ACER3: variants seen among roughly 807,000 people sequenced by gnomAD.
The protein encoded by ACER3 is alkCDase 3.
A neutral mutation model predicts 48.9 loss-of-function variants in ACER3; 16 were observed. The ratio of observed to expected loss-of-function variants is 0.33; its 90% CI spans 0.22 to 0.50. ACER3 has a LOEUF of 0.50. Ranked by LOEUF, ACER3 falls within the 20% of genes least tolerant of loss-of-function variation. The probability of loss-of-function intolerance (pLI) is 0.98; values close to 1 mark genes in which losing one functional copy is unlikely to be tolerated. For missense variants in ACER3, 227 were observed against 326.0 expected (o/e 0.70, Z 2.34); for synonymous variants, 109 against 107.8 (o/e 1.01, Z -0.07).
rs1194743723 is a variant in ACER3, at chr11:76,952,137, TATAC to T, written c.215-6840_215-6837del. Among the ~76,000 whole-genome samples, 654 of 74,412 alleles carry T rather than the reference TATAC, an allele frequency of 8.8e-3. 5 individuals carry two copies. Among genetic ancestry groups the T allele is most frequent in the African/African-American group, 0.018 (595 of 33,330 alleles). The allele number at this position is 74,412 out of a possible 152,430, so 48.8% of individuals were successfully genotyped here. ...GTTCAGAAAAAATATTATATATATA[TATAC>T]ACACACACACACACACACACACACA... On this transcript the variant is annotated intron_variant, in intron 2 of 10. Transcript: ENST00000532485.
rs149589077 is a variant in ACER3 at position 77,025,392 on chromosome 11, TTATATA to T, written c.*5079_*5084del. The T allele has an allele frequency of 7.4e-6, 1 of 135,850 alleles. No homozygotes were observed. The highest frequency in any genetic ancestry group is 2.0e-4 in the East Asian group (1 of 4,976). 8.4% of individuals were successfully genotyped at this position (135,850 alleles called of 1,614,324 possible). ...TGGTTATTTTATTTTATTTTATTCT[TTATATA>T]TATATATATATATTTATTTATTTTT... is the stretch of plus-strand genomic sequence containing the variant. On this transcript the variant is annotated 3_prime_UTR_variant, in exon 11 of 11. Transcript: ENST00000532485.
chr11:76,989,061 G>A (rs1034758814), intron 5 of ACER3, among the ~76,000 whole-genome samples: 36 of 152,012 alleles, frequency 2.4e-4, no homozygotes, highest in Non-Finnish European at 5.1e-4. Context: ...GAGATATGTC[G>A]TTTTGCATTT....
At chr11:77,014,865 A>G in intron 7 of ACER3, 151 bp from the exon 8 acceptor site, 2 of 624,820 alleles carry the variant, frequency 3.2e-6, no homozygotes, top group Non-Finnish European at 5.7e-6. Flanking sequence ...ATGTACAATG[A>G]TCACATCTGT....
chr11:76,883,438 C>CTTTTTT lies in ACER3; in HGVS notation c.103+22374_103+22379dup, dbSNP rs60656670. Among the ~76,000 whole-genome samples the CTTTTTT allele has an allele frequency of 1.2e-3, 122 of 98,964 alleles. 5 individuals are homozygous for CTTTTTT. Among genetic ancestry groups the CTTTTTT allele is most frequent in the Non-Finnish European group, 1.6e-3 (83 of 52,066 alleles). The allele number at this position is 98,964 out of a possible 152,430, so 64.9% of individuals were successfully genotyped here. On this transcript the variant is annotated intron_variant, in intron 1 of 10. Coordinates refer to ENST00000532485, the MANE Select transcript of ACER3 (RefSeq NM_018367.7). ...TTGCTTCTTTTGAATGATTTTCTTG[C>CTTTTTT]TTTTTTTTTTTTTTTTTTTTGAGAC... is the stretch of plus-strand genomic sequence containing the variant.
intron 1 of ACER3, among the ~76,000 whole-genome samples, chr11:76,914,708 A>C (rs1300565667): frequency 1.3e-5 from 2 of 152,236 alleles, no homozygotes; most frequent in Non-Finnish European, 2.9e-5. Context: ...ATATACTCAA[A>C]GGATTATAAA....
chr11:76,907,276 T>G (rs1410465596), intron 1 of ACER3, among the ~76,000 whole-genome samples: 1 of 152,220 alleles, frequency 6.6e-6, no homozygotes, highest in Non-Finnish European at 1.5e-5. Flanking sequence ...GCACCTTTTG[T>G]GTTATCTGGT....
At chr11:76,914,237 A>C (rs190892613) in intron 1 of ACER3, among the ~76,000 whole-genome samples, 1,876 of 152,332 alleles carry the variant, frequency 0.012, 51 homozygotes, top group East Asian at 0.05. Flanking sequence ...ACAGCAAAAG[A>C]AACTATCATC....
chr11:76,942,053 TGA>T (rs1277930947), intron 2 of ACER3, among the ~76,000 whole-genome samples: 1 of 152,132 alleles, frequency 6.6e-6, no homozygotes, highest in Non-Finnish European at 1.5e-5. Flanking sequence ...TGATCAAATC[TGA>T]GAGTTTTTTT....
At chr11:76,905,231 G>A (rs748369883) in intron 1 of ACER3, among the ~76,000 whole-genome samples, 1 of 151,850 alleles carries the variant, frequency 6.6e-6, no homozygotes, top group Non-Finnish European at 1.5e-5. Flanking sequence ...TGATTTAGAA[G>A]ATTTTTTTTA....
rs1949497861 is a variant in ACER3, at chr11:77,023,134, T to C, written c.*2807T>C. The C allele has an allele frequency of 2.5e-6, 1 of 398,626 alleles. No homozygotes were observed. The highest frequency in any genetic ancestry group is 4.4e-6 in the Non-Finnish European group (1 of 226,060). The allele number at this position is 398,626 out of a possible 1,614,324, so 24.7% of individuals were successfully genotyped here. A position where few individuals can be genotyped will look rare whatever the true frequency, so the allele number is the denominator to read the frequency against. On this transcript the variant is annotated 3_prime_UTR_variant, in exon 11 of 11. Transcript: ENST00000532485. Reference sequence around the variant, plus strand: ...CCACCTGAAGTGATCTTTTTAATCCTTGTGATAGTAAATGCATTGATAATT... The same window carrying C: ...CCACCTGAAGTGATCTTTTTAATCCCTGTGATAGTAAATGCATTGATAATT...
chr11:76,910,566 AAATT>A (rs1946353057), intron 1 of ACER3, among the ~76,000 whole-genome samples: 1 of 152,192 alleles, frequency 6.6e-6, no homozygotes, highest in African/African-American at 2.4e-5. Flanking sequence ...ACAGAGGAGA[AAATT>A]AAGGCGCAAG....
chr11:76,911,588 G>C (rs2119457), intron 1 of ACER3, among the ~76,000 whole-genome samples: 106,563 of 151,996 alleles, frequency 0.7, 37,682 homozygotes, highest in Non-Finnish European at 0.74. Flanking sequence ...TATCCAGCCA[G>C]TATTCAAGAT....
rs1949458487 is a variant in ACER3 at position 77,020,691 on chromosome 11, T to A, written c.*364T>A. ...TTTGCCAAGGGTTGCATGTGAATTA[T>A]ACCTTTCTTAATATTTGATTAAATA... On this transcript the variant is annotated 3_prime_UTR_variant, in exon 11 of 11. Transcript: ENST00000532485. 5.2e-6 allele frequency: 1 copy of A among 192,690 alleles called. No homozygotes were observed. Among genetic ancestry groups the A allele is most frequent in the African/African-American group, 2.4e-5 (1 of 42,352 alleles). 11.9% of individuals were successfully genotyped at this position (192,690 alleles called of 1,614,324 possible). A position where few individuals can be genotyped will look rare whatever the true frequency, so the allele number is the denominator to read the frequency against.
intron 3 of ACER3, among the ~76,000 whole-genome samples, chr11:76,967,354 T>C (rs923874627): frequency 6.6e-6 from 1 of 152,136 alleles, no homozygotes; most frequent in Non-Finnish European, 1.5e-5. Context: ...ACCAGACGGA[T>C]TCACAGCCGA....
intron 1 of ACER3, among the ~76,000 whole-genome samples, chr11:76,886,746 T>A (rs750864971): frequency 6.6e-6 from 1 of 152,134 alleles, no homozygotes; most frequent in Non-Finnish European, 1.5e-5. Context: ...AGTGGTGCCA[T>A]CTTGGCTCAC....
chr11:76,996,711 C>A lies in ACER3; in HGVS notation c.439-2052C>A, dbSNP rs375111589. 3.4e-4 allele frequency among the ~76,000 whole-genome samples: 48 copies of A among 143,136 alleles called. 1 individual carries two copies. The highest frequency in any genetic ancestry group is 1.1e-3 in the Admixed American group (15 of 14,112). 93.9% of individuals were successfully genotyped at this position (143,136 alleles called of 152,430 possible). ...CTGGGATTACAGGCATGAGCCACCC[C>A]ACCCAGCCTTTTTTTTTTTTTTTTT... On this transcript the variant is annotated intron_variant, in intron 6 of 10. Transcript: ENST00000532485.
chr11:76,960,366 G>A lies in ACER3; in HGVS notation c.267+1335G>A, dbSNP rs188263868. Among the ~76,000 whole-genome samples, 14 of 151,938 alleles carry A rather than the reference G, an allele frequency of 9.2e-5. No individual in the cohort carries two copies. In the East Asian group the frequency reaches 1.2e-3, roughly 13 times the overall value. On this transcript the variant is annotated intron_variant, in intron 3 of 10. Coordinates refer to ENST00000532485, the MANE Select transcript of ACER3 (RefSeq NM_018367.7). ...GGAGATCGCAGTAAGCCAAGATCAC[G>A]CCACTGCACTCCAGCCTGGCGACAG... is the stretch of plus-strand genomic sequence containing the variant.
rs570449399 is a variant in ACER3, at chr11:76,992,285, C to T, written c.438+1711C>T. ...ACCTCAGTTTTTATAAACTTGTTTG[C>T]CTTTACTAAGAAAGAAAAATAATGA... On this transcript the variant is annotated intron_variant, in intron 6 of 10. Transcript: ENST00000532485. Among the ~76,000 whole-genome samples the T allele has an allele frequency of 8.5e-5, 13 of 152,064 alleles. 1 individual carries two copies. The South Asian group carries it at 2.1e-3, about 24-fold the overall frequency.
At chr11:76,869,255 C>G (rs1394377103) in intron 1 of ACER3, among the ~76,000 whole-genome samples, 3 of 152,164 alleles carry the variant, frequency 2.0e-5, no homozygotes, top group Non-Finnish European at 4.4e-5. Context: ...CCCACACACA[C>G]TTGGTCACAG....
Sources: allele counts gnomAD v4.1 joint callset (sites outside exome capture counted in the v4.1 genomes callset), GRCh38; gene constraint gnomAD v4.1.1; transcripts MANE v1.5; gene names NCBI Gene and HGNC (gene_info 2026-07-23, HGNC 2026-07-21).